PABPC4L: variants seen among roughly 807,000 people sequenced by gnomAD.
The protein encoded by PABPC4L is poly(A) binding protein cytoplasmic 4 like, also known as polyadenylate-binding protein 4-like.
For missense variants in PABPC4L, 452 were observed against 451.4 expected (o/e 1.00, Z -0.01); for synonymous variants, 169 against 164.1 (o/e 1.03, Z -0.23).
chr4:134,139,902 T>C, the PABPC4L span, among the ~76,000 whole-genome samples: 1 of 151,850 alleles, frequency 6.6e-6, no homozygotes, highest in African/African-American at 2.4e-5. Context: ...TTTTCAGTCA[T>C]AGTAGCAGGA....
the PABPC4L span, among the ~76,000 whole-genome samples, chr4:133,995,293 C>T: frequency 2.0e-5 from 3 of 152,290 alleles, no homozygotes; most frequent in East Asian, 5.8e-4. Flanking sequence ...CCTGACTCTG[C>T]ATAGGAAACA....
the PABPC4L span, among the ~76,000 whole-genome samples, chr4:134,025,005 C>G: frequency 1.5e-4 from 23 of 148,766 alleles, no homozygotes; most frequent in Non-Finnish European, 3.4e-4. Context: ...CTTCTGGTCT[C>G]CAGTGATCTT....
chr4:134,063,821 A>C, the PABPC4L span, among the ~76,000 whole-genome samples: 1 of 152,174 alleles, frequency 6.6e-6, no homozygotes, highest in Non-Finnish European at 1.5e-5. Flanking sequence ...CTAATAAATA[A>C]GTTATTTATT....
chr4:134,005,654 C>G, the PABPC4L span, among the ~76,000 whole-genome samples: 868 of 151,900 alleles, frequency 5.7e-3, 14 homozygotes, highest in African/African-American at 0.02. Flanking sequence ...GTGGTTACTG[C>G]TTTTCATGTA....
At chr4:133,969,407 T>C in the PABPC4L span, among the ~76,000 whole-genome samples, 418 of 131,578 alleles carry the variant, frequency 3.2e-3, no homozygotes, top group Non-Finnish European at 5.1e-3. Flanking sequence ...GAAGCAGGCC[T>C]GTGTCGGCAC....
the PABPC4L span, among the ~76,000 whole-genome samples, chr4:134,089,359 G>A: frequency 1.3e-5 from 2 of 151,986 alleles, no homozygotes; most frequent in Admixed American, 6.6e-5. Flanking sequence ...CTCCACCAGA[G>A]TGCTATATGC....
the PABPC4L span, among the ~76,000 whole-genome samples, chr4:134,037,072 T>G: frequency 6.9e-6 from 1 of 144,062 alleles, no homozygotes; most frequent in South Asian, 2.2e-4. Flanking sequence ...AAAAAAAAAA[T>G]GGGTAATATG....
chr4:133,982,018 A>G, the PABPC4L span, among the ~76,000 whole-genome samples: 645 of 152,150 alleles, frequency 4.2e-3, 4 homozygotes, highest in Middle Eastern at 0.018. Context: ...GGAAAATTTC[A>G]TGAATATTAT....
the PABPC4L span, among the ~76,000 whole-genome samples, chr4:133,998,948 T>G: frequency 6.6e-6 from 1 of 152,146 alleles, no homozygotes; most frequent in Middle Eastern, 3.4e-3. Flanking sequence ...TTATAATTTC[T>G]ACTTCTCTGC....
the PABPC4L span, among the ~76,000 whole-genome samples, chr4:134,130,911 C>A: frequency 1.3e-5 from 2 of 152,034 alleles, no homozygotes; most frequent in Non-Finnish European, 2.9e-5. Context: ...AAATGTGACA[C>A]ACCACATAAA....
At chr4:133,968,142 T>C in the PABPC4L span, among the ~76,000 whole-genome samples, 1 of 152,188 alleles carries the variant, frequency 6.6e-6, no homozygotes, top group African/African-American at 2.4e-5. Context: ...GATCAACCCA[T>C]ACAAGACTAA....
At chr4:134,195,408 C>CA (rs1006946334), downstream of PABPC4L, among the ~76,000 whole-genome samples, 6 of 151,500 alleles carry the variant, frequency 4.0e-5, no homozygotes, top group African/African-American at 1.2e-4. Flanking sequence ...ATTGTAAAAA[C>CA]AAAAAATGAA....
chr4:134,048,641 T>C, the PABPC4L span, among the ~76,000 whole-genome samples: 1 of 152,140 alleles, frequency 6.6e-6, no homozygotes, highest in African/African-American at 2.4e-5. Context: ...ATTTGTCTTC[T>C]CTCTTACTTG....
chr4:134,143,321 TTAAC>T, the PABPC4L span, among the ~76,000 whole-genome samples: 17 of 150,184 alleles, frequency 1.1e-4, no homozygotes, highest in East Asian at 2.9e-3. Context: ...ATTTACTATA[TTAAC>T]TATGTTTATA....
the PABPC4L span, among the ~76,000 whole-genome samples, chr4:134,090,259 A>G: frequency 6.6e-6 from 1 of 152,128 alleles, no homozygotes; most frequent in Non-Finnish European, 1.5e-5. Flanking sequence ...GCCTGAATAA[A>G]TAATCTCCTT....
the PABPC4L span, among the ~76,000 whole-genome samples, chr4:134,146,359 C>T: frequency 6.6e-6 from 1 of 151,166 alleles, no homozygotes; most frequent in African/African-American, 2.4e-5. Flanking sequence ...ATGTTTTTTT[C>T]TATATAAGAA....
At chr4:133,966,487 G>C in the PABPC4L span, among the ~76,000 whole-genome samples, 11 of 152,264 alleles carry the variant, frequency 7.2e-5, no homozygotes, top group East Asian at 2.1e-3. Context: ...GGCATTACAC[G>C]TAAAAGATAC....
rs1317913795 is a variant in PABPC4L, at chr4:134,199,873, G to A, written c.*34C>T. On this transcript the variant is annotated 3_prime_UTR_variant, in exon 2 of 2. Coordinates refer to ENST00000421491, the MANE Select transcript of PABPC4L (RefSeq NM_001114734.2). ...GATCACTATCATTCTCCCACCTGCT[G>A]CAGATACTAGCTGGAAAGGTACGTT... The A allele has an allele frequency of 1.3e-6, 2 of 1,545,368 alleles. No homozygotes were observed. Among genetic ancestry groups the A allele is most frequent in the South Asian group, 1.2e-5 (1 of 82,982 alleles).
At chr4:133,979,559 G>A in the PABPC4L span, among the ~76,000 whole-genome samples, 1 of 152,104 alleles carries the variant, frequency 6.6e-6, no homozygotes, top group African/African-American at 2.4e-5. Flanking sequence ...GCTTGCCTGG[G>A]CTTTCCGTAT....
Sources: allele counts gnomAD v4.1 joint callset (sites outside exome capture counted in the v4.1 genomes callset), GRCh38; gene constraint gnomAD v4.1.1; transcripts MANE v1.5; gene names NCBI Gene and HGNC (gene_info 2026-07-23, HGNC 2026-07-21).